The following SLC24A2 variants were observed in gnomAD, a reference collection of about 807,000 sequenced individuals.
SLC24A2 encodes solute carrier family 24 member 2.
In SLC24A2, 36 loss-of-function variants were observed where a neutral mutation model predicts 62.0. The ratio of observed to expected loss-of-function variants is 0.58; its 90% CI spans 0.44 to 0.77. The LOEUF is 0.77. Ranked by LOEUF, SLC24A2 falls within the 30% of genes least tolerant of loss-of-function variation. The pLI is 0.00. For synonymous variants in SLC24A2, 358 were observed against 294.0 expected (o/e 1.22, Z -2.23); for missense variants, 846 against 817.9 (o/e 1.03, Z -0.42).
the SLC24A2 span, among the ~76,000 whole-genome samples, chr9:20,234,051 G>T: frequency 2.0e-5 from 3 of 152,270 alleles, no homozygotes; most frequent in South Asian, 6.2e-4. Context: ...GTTGAATATT[G>T]GTCCCCACTC....
the SLC24A2 span, among the ~76,000 whole-genome samples, chr9:20,036,039 G>C: frequency 6.6e-6 from 1 of 152,184 alleles, no homozygotes; most frequent in African/African-American, 2.4e-5. Context: ...AAAAGAGAAA[G>C]GATATGGGGA....
chr9:20,297,064 G>C, the SLC24A2 span, among the ~76,000 whole-genome samples: 1 of 151,942 alleles, frequency 6.6e-6, no homozygotes, highest in South Asian at 2.1e-4. Context: ...TTGATCTTTT[G>C]GGGTTTCAAC....
the SLC24A2 span, among the ~76,000 whole-genome samples, chr9:20,121,758 A>G: frequency 6.6e-6 from 1 of 152,316 alleles, no homozygotes; most frequent in East Asian, 1.9e-4. Context: ...CCTAAGCAGA[A>G]ATTTGAAACT....
the SLC24A2 span, among the ~76,000 whole-genome samples, chr9:20,245,762 TA>T: frequency 6.6e-6 from 1 of 152,196 alleles, no homozygotes; most frequent in East Asian, 1.9e-4. Context: ...CAACAAAGTT[TA>T]ACTTAGTCAG....
chr9:19,535,613 C>G (rs1004601901), intron 8 of SLC24A2, among the ~76,000 whole-genome samples: 1 of 152,164 alleles, frequency 6.6e-6, no homozygotes, highest in African/African-American at 2.4e-5. Flanking sequence ...ATAGGGAATC[C>G]TTTCCCCATT....
the SLC24A2 span, among the ~76,000 whole-genome samples, chr9:20,249,587 C>G: frequency 1.1e-3 from 164 of 151,754 alleles, no homozygotes; most frequent in African/African-American, 3.9e-3. Context: ...CTCCTGTAGT[C>G]CCAGCTACTT....
intron 5 of SLC24A2, among the ~76,000 whole-genome samples, chr9:19,582,462 G>T (rs1836236587): frequency 1.3e-5 from 2 of 152,166 alleles, no homozygotes; most frequent in African/African-American, 4.8e-5. Context: ...ACAAAAGAGA[G>T]AAAAAGATGC....
At chr9:20,013,084 C>A in the SLC24A2 span, among the ~76,000 whole-genome samples, 1 of 152,136 alleles carries the variant, frequency 6.6e-6, no homozygotes, top group African/African-American at 2.4e-5. Flanking sequence ...ACAAAAGACT[C>A]TGAATAGCCA....
At chr9:20,110,388 C>T in the SLC24A2 span, among the ~76,000 whole-genome samples, 2 of 152,030 alleles carry the variant, frequency 1.3e-5, no homozygotes, top group Non-Finnish European at 2.9e-5. Context: ...CTAAAAGCTT[C>T]TGTAAATAAT....
At chr9:19,610,693 GC>G (rs112949476) in intron 4 of SLC24A2, among the ~76,000 whole-genome samples, 2,595 of 152,246 alleles carry the variant, frequency 0.017, 77 homozygotes, top group African/African-American at 0.06. Context: ...TACAATGGTG[GC>G]CAAACCAGAT....
chr9:19,806,410 A>G, the SLC24A2 span, among the ~76,000 whole-genome samples: 1 of 152,324 alleles, frequency 6.6e-6, no homozygotes, highest in Non-Finnish European at 1.5e-5. Context: ...CAATGCTTTG[A>G]AATATAAAGG....
the SLC24A2 span, among the ~76,000 whole-genome samples, chr9:20,053,499 T>C: frequency 1.3e-5 from 2 of 152,194 alleles, no homozygotes; most frequent in African/African-American, 4.8e-5. Context: ...TTTTTCTCCT[T>C]GCTACCATGA....
the SLC24A2 span, among the ~76,000 whole-genome samples, chr9:19,885,116 A>G: frequency 6.6e-6 from 1 of 152,210 alleles, no homozygotes; most frequent in Admixed American, 6.5e-5. Context: ...TATGTGGCCA[A>G]CAGTGTCGCT....
chr9:19,721,938 C>T (rs1236587000), intron 2 of SLC24A2, among the ~76,000 whole-genome samples: 1 of 152,034 alleles, frequency 6.6e-6, no homozygotes, highest in Non-Finnish European at 1.5e-5. Context: ...CTCATATTTT[C>T]AAACTCTCTT....
the SLC24A2 span, among the ~76,000 whole-genome samples, chr9:20,004,719 T>G: frequency 6.6e-6 from 1 of 152,194 alleles, no homozygotes; most frequent in Non-Finnish European, 1.5e-5. Context: ...ATATATCTTG[T>G]CTCATTAAAT....
At chr9:19,624,392 T>G (rs1479306476) in intron 2 of SLC24A2, among the ~76,000 whole-genome samples, 1 of 152,052 alleles carries the variant, frequency 6.6e-6, no homozygotes, top group African/African-American at 2.4e-5. Flanking sequence ...AGCTGAGAGT[T>G]TGAATTTTAA....
At chr9:19,568,933 C>CTAT (rs1218486631) in intron 7 of SLC24A2, among the ~76,000 whole-genome samples, 1 of 152,170 alleles carries the variant, frequency 6.6e-6, no homozygotes, top group African/African-American at 2.4e-5. Flanking sequence ...TGTTTATATG[C>CTAT]TATTTCCCTT....
the SLC24A2 span, among the ~76,000 whole-genome samples, chr9:20,113,362 G>T: frequency 6.6e-6 from 1 of 152,096 alleles, no homozygotes; most frequent in Admixed American, 6.6e-5. Context: ...AATTATTACT[G>T]TTCACAGGAC....
intron 7 of SLC24A2, among the ~76,000 whole-genome samples, chr9:19,561,528 G>C (rs1395704151): frequency 6.8e-6 from 1 of 146,406 alleles, no homozygotes; most frequent in African/African-American, 2.5e-5. Flanking sequence ...TCCGCCTCCT[G>C]GGTTCAAGGG....
Sources: gnomAD v4.1 joint callset for allele counts (sites outside exome capture counted in the v4.1 genomes callset) on GRCh38, gnomAD v4.1.1 for gene constraint, MANE v1.5 for transcripts, NCBI Gene and HGNC (gene_info 2026-07-23, HGNC 2026-07-21) for gene names.